The following SNTG1 variants were observed in gnomAD, a reference collection of about 807,000 sequenced individuals.
The protein encoded by SNTG1 is gamma-1-syntrophin.
SNTG1 carries 39 observed loss-of-function variants against 74.7 expected under a neutral mutation model. The observed-to-expected ratio is 0.52, with a 90% CI of 0.40 to 0.68. The LOEUF is 0.68. SNTG1 is among the 30% of genes least tolerant of loss of function. SNTG1 has a pLI of 0.00. For synonymous variants in SNTG1, 254 were observed against 217.1 expected (o/e 1.17, Z -1.49); for missense variants, 685 against 609.5 (o/e 1.12, Z -1.30).
At chr8:49,916,708 T>C (rs1806068873) in intron 1 of SNTG1, among the ~76,000 whole-genome samples, 1 of 152,068 alleles carries the variant, frequency 6.6e-6, no homozygotes, top group African/African-American at 2.4e-5. Context: ...GTGTTACTTA[T>C]ATAAAACTAT....
At chr8:50,644,787 G>T (rs898061469) in intron 13 of SNTG1, among the ~76,000 whole-genome samples, 3 of 152,126 alleles carry the variant, frequency 2.0e-5, no homozygotes, top group Admixed American at 6.5e-5. Context: ...GTTCTGCAGG[G>T]TTAGGAGTGT....
At chr8:50,030,854 A>C (rs1817687524) in intron 1 of SNTG1, among the ~76,000 whole-genome samples, 1 of 151,916 alleles carries the variant, frequency 6.6e-6, no homozygotes, top group Admixed American at 6.6e-5. Flanking sequence ...TTTTAGAATA[A>C]TTCTGATTAT....
chr8:50,186,657 C>T (rs1203068159), intron 2 of SNTG1, among the ~76,000 whole-genome samples: 2 of 151,722 alleles, frequency 1.3e-5, no homozygotes, highest in South Asian at 2.1e-4. Flanking sequence ...TGTTTGTTGG[C>T]GGCATAAATG....
intron 1 of SNTG1, among the ~76,000 whole-genome samples, chr8:50,072,649 A>C (rs1362170791): frequency 1.3e-5 from 2 of 152,194 alleles, no homozygotes; most frequent in East Asian, 3.9e-4. Context: ...GTACTTGAAG[A>C]TGATGTACAC....
At chr8:50,199,671 A>T (rs1236597233) in intron 2 of SNTG1, among the ~76,000 whole-genome samples, 1 of 152,182 alleles carries the variant, frequency 6.6e-6, no homozygotes, top group Non-Finnish European at 1.5e-5. Flanking sequence ...CGCTGAGTGC[A>T]GGTCGTCAGC....
At chr8:50,550,428 A>G (rs1295746044) in intron 11 of SNTG1, among the ~76,000 whole-genome samples, 7 of 152,212 alleles carry the variant, frequency 4.6e-5, no homozygotes, top group Non-Finnish European at 1.0e-4. Flanking sequence ...GAAATGATAT[A>G]TATTTATTTG....
At chr8:50,557,240 A>AAAAAG (rs1563572556) in intron 12 of SNTG1, among the ~76,000 whole-genome samples, 1 of 150,576 alleles carries the variant, frequency 6.6e-6, no homozygotes, top group African/African-American at 2.5e-5. Flanking sequence ...AAAAAAAAAC[A>AAAAAG]GGATGAAGAC....
At chr8:50,771,066 G>A (rs1585751372) in intron 18 of SNTG1, among the ~76,000 whole-genome samples, 1 of 152,250 alleles carries the variant, frequency 6.6e-6, no homozygotes, top group East Asian at 1.9e-4. Flanking sequence ...TTGGCATGCA[G>A]AGTGGGGTGT....
intron 2 of SNTG1, among the ~76,000 whole-genome samples, chr8:50,254,566 G>A (rs921056025): frequency 6.6e-6 from 1 of 152,082 alleles, no homozygotes; most frequent in Non-Finnish European, 1.5e-5. Flanking sequence ...AAACAAACAG[G>A]GCCAGGTGTG....
chr8:50,036,229 G>A (rs1446075391), intron 1 of SNTG1, among the ~76,000 whole-genome samples: 1 of 152,148 alleles, frequency 6.6e-6, no homozygotes, highest in African/African-American at 2.4e-5. Flanking sequence ...CACAAAAAAA[G>A]CTACAAAACA....
intron 2 of SNTG1, among the ~76,000 whole-genome samples, chr8:50,267,524 T>A (rs2087544282): frequency 6.6e-6 from 1 of 151,954 alleles, no homozygotes; most frequent in African/African-American, 2.4e-5. Context: ...GTTGGTGAGG[T>A]TGAGAAAAAA....
intron 11 of SNTG1, among the ~76,000 whole-genome samples, chr8:50,543,977 G>A (rs74338148): frequency 0.054 from 8,172 of 151,908 alleles, 324 homozygotes; most frequent in South Asian, 0.18. Context: ...TATCTTCTTC[G>A]GTGAAGTGTC....
At chr8:50,577,514 G>T (rs2094584014) in intron 12 of SNTG1, among the ~76,000 whole-genome samples, 1 of 146,516 alleles carries the variant, frequency 6.8e-6, no homozygotes, top group Non-Finnish European at 1.5e-5. Context: ...GAGTGATAAT[G>T]GCCTCGTAAA....
chr8:50,579,238 G>C (rs2094594681), intron 12 of SNTG1, among the ~76,000 whole-genome samples: 1 of 152,146 alleles, frequency 6.6e-6, no homozygotes, highest in South Asian at 2.1e-4. Flanking sequence ...GTGGCATTTT[G>C]CCCCTCCCCA....
intron 1 of SNTG1, among the ~76,000 whole-genome samples, chr8:50,087,248 A>C (rs536996183): frequency 6.6e-6 from 1 of 152,182 alleles, no homozygotes; most frequent in Non-Finnish European, 1.5e-5. Flanking sequence ...AAGGTCTCTC[A>C]GTTGTAATGT....
At chr8:50,320,476 G>C (rs1304012496) in intron 2 of SNTG1, among the ~76,000 whole-genome samples, 1 of 150,340 alleles carries the variant, frequency 6.7e-6, no homozygotes, top group Non-Finnish European at 1.5e-5. Context: ...TTGTTGAATT[G>C]ATCTTTTGTA....
Position 49,969,387 on chromosome 8 carries a change from CTTTTTTTTTTTTTT to C in SNTG1, c.-103+57170_-103+57183del, listed in dbSNP as rs575026898. Among the ~76,000 whole-genome samples the C allele has an allele frequency of 2.8e-4, 13 of 47,198 alleles. 1 individual carries two copies. The highest frequency in any genetic ancestry group is 7.2e-4 in the African/African-American group (13 of 18,094). 31.0% of individuals were successfully genotyped at this position (47,198 alleles called of 152,430 possible). ...AAATACACATTTTAATTCATTTAAT[CTTTTTTTTTTTTTT>C]TTTTTTTTTTTTTGAAATGGACTCT... On this transcript the variant is annotated intron_variant, in intron 1 of 18. Coordinates refer to ENST00000642720, the MANE Select transcript of SNTG1 (RefSeq NM_018967.5).
At chr8:50,212,603 A>G (rs1206392499) in intron 2 of SNTG1, among the ~76,000 whole-genome samples, 1 of 152,212 alleles carries the variant, frequency 6.6e-6, no homozygotes, top group African/African-American at 2.4e-5. Context: ...CTTTCTCATA[A>G]GAAAATGATA....
intron 9 of SNTG1, among the ~76,000 whole-genome samples, chr8:50,513,916 A>T (rs891439109): frequency 2.6e-5 from 4 of 151,628 alleles, no homozygotes; most frequent in Non-Finnish European, 2.9e-5. Flanking sequence ...CACTGCACCC[A>T]CTCTCCTGCA....
Sources: gnomAD v4.1 joint callset for allele counts (sites outside exome capture counted in the v4.1 genomes callset) on GRCh38, gnomAD v4.1.1 for gene constraint, MANE v1.5 for transcripts, NCBI Gene and HGNC (gene_info 2026-07-23, HGNC 2026-07-21) for gene names.